Variants in LMO7 observed in about 807,000 individuals in gnomAD.
The protein encoded by LMO7 is LIM domain only protein 7.
LMO7 carries 120 observed loss-of-function variants against 206.5 expected under a neutral mutation model. The ratio of observed to expected loss-of-function variants is 0.58; its 90% CI spans 0.50 to 0.68. The LOEUF (loss-of-function observed/expected upper bound fraction) is 0.68. LMO7 is among the 30% of genes least tolerant of loss of function. The pLI is 0.00. For missense variants in LMO7, 1,959 were observed against 1,957.9 expected (o/e 1.00, Z -0.01); for synonymous variants, 706 against 681.5 (o/e 1.04, Z -0.56).
chr13:75,755,887 T>A (rs534521149), intron 3 of LMO7, among the ~76,000 whole-genome samples: 4 of 152,132 alleles, frequency 2.6e-5, no homozygotes, highest in African/African-American at 7.2e-5. Flanking sequence ...ATGCCTCGAT[T>A]CTTCTTGTGG....
chr13:75,663,440 T>TTC (rs1278909497), intron 1 of LMO7, among the ~76,000 whole-genome samples: 1,911 of 56,402 alleles, frequency 0.034, 31 homozygotes, highest in Non-Finnish European at 0.05. Flanking sequence ...TTCTTTTTTT[T>TTC]TTTTTTTTGA....
rs554074687 is a variant in LMO7 at position 75,789,840 on chromosome 13, A to G, written c.318-5561A>G. 1.2e-4 allele frequency among the ~76,000 whole-genome samples: 18 copies of G among 152,266 alleles called. 1 individual carries two copies. Among genetic ancestry groups the G allele is most frequent in the East Asian group, 9.6e-4 (5 of 5,182 alleles). On this transcript the variant is annotated intron_variant, in intron 4 of 30. Coordinates refer to ENST00000377534, the MANE Select transcript of LMO7 (RefSeq NM_001306080.2). ...GGCTGGTGCACTGCGGTAAAACTAT[A>G]ATCTCATCCATTAGCACCTTATTCC...
chr13:75,722,755 G>C (rs1363022055), intron 2 of LMO7, among the ~76,000 whole-genome samples: 2 of 152,144 alleles, frequency 1.3e-5, no homozygotes, highest in African/African-American at 2.4e-5. Context: ...CAAGAATATG[G>C]AACCAGCCCA....
At chr13:75,816,876 G>A (rs1214462141) in intron 11 of LMO7, 1 of 231,092 alleles carries the variant, frequency 4.3e-6, no homozygotes, top group Non-Finnish European at 8.3e-6. Flanking sequence ...TGAACCTTGG[G>A]TTTTTGTTTG....
intron 10 of LMO7, among the ~76,000 whole-genome samples, 167 bp downstream of exon 10, chr13:75,808,366 CAA>C (rs1452858982): frequency 6.6e-6 from 1 of 152,174 alleles, no homozygotes; most frequent in Non-Finnish European, 1.5e-5. Flanking sequence ...TCGTTTTGTA[CAA>C]AAAGTGCAAT....
chr13:75,779,529 ATAT>A (rs1174949048), intron 4 of LMO7, among the ~76,000 whole-genome samples: 4 of 152,320 alleles, frequency 2.6e-5, no homozygotes, highest in Admixed American at 2.0e-4. Flanking sequence ...AAAGCTAGTT[ATAT>A]TATTCATTTG....
At chr13:75,661,346 G>T (rs139376703) in intron 1 of LMO7, among the ~76,000 whole-genome samples, 9 of 152,290 alleles carry the variant, frequency 5.9e-5, no homozygotes, top group African/African-American at 2.2e-4. Context: ...AGAAAGCCAA[G>T]AATAAAATTC....
chr13:75,826,841 T>C (rs1443386978), intron 15 of LMO7, among the ~76,000 whole-genome samples: 2 of 152,202 alleles, frequency 1.3e-5, no homozygotes, highest in Non-Finnish European at 2.9e-5. Context: ...TATGCTATCA[T>C]GCTATGTCCT....
intron 1 of LMO7, among the ~76,000 whole-genome samples, chr13:75,670,819 G>T (rs1203130402): frequency 6.6e-6 from 1 of 151,834 alleles, no homozygotes; most frequent in Admixed American, 6.6e-5. Flanking sequence ...AATAAACTTG[G>T]CTCACTGTAA....
chr13:75,797,288 G>C (rs556256703), intron 6 of LMO7, among the ~76,000 whole-genome samples: 1 of 152,276 alleles, frequency 6.6e-6, no homozygotes, highest in East Asian at 1.9e-4. Flanking sequence ...TTTTAATTTA[G>C]AATCTTTTGT....
intron 1 of LMO7, among the ~76,000 whole-genome samples, chr13:75,685,136 T>C (rs2040864568): frequency 6.6e-6 from 1 of 152,232 alleles, no homozygotes. Flanking sequence ...TCCCAGAATT[T>C]GTTAGATAAC....
chr13:75,822,085 T>A (rs149147166), intron 14 of LMO7, among the ~76,000 whole-genome samples: 168 of 152,312 alleles, frequency 1.1e-3, no homozygotes, highest in Non-Finnish European at 2.0e-3. Flanking sequence ...TATCTTACGT[T>A]TATATATATG....
In LMO7 at chr13:75,654,862, C is replaced by A. The variant is rs866505423; in HGVS notation, c.69+18136C>A. Among the ~76,000 whole-genome samples, 256 of 141,758 alleles carry A rather than the reference C, an allele frequency of 1.8e-3. 1 individual carries two copies. The highest frequency in any genetic ancestry group is 6.1e-3 in the African/African-American group (237 of 38,572). The allele number at this position is 141,758 out of a possible 152,430, so 93.0% of individuals were successfully genotyped here. A position where few individuals can be genotyped will look rare whatever the true frequency, so the allele number is the denominator to read the frequency against. ...TTTTTACACAATACAACTACTTTTT[C>A]TTTTCTCTTCTCTCTTTTTTTTTTT... On this transcript the variant is annotated intron_variant, in intron 1 of 30. Coordinates refer to ENST00000377534, the MANE Select transcript of LMO7 (RefSeq NM_001306080.2).
intron 1 of LMO7, among the ~76,000 whole-genome samples, chr13:75,670,415 G>A (rs991897906): frequency 1.3e-5 from 2 of 152,108 alleles, no homozygotes; most frequent in African/African-American, 2.4e-5. Context: ...GTGTAACATC[G>A]TAGAGTGTAC....
intron 1 of LMO7, among the ~76,000 whole-genome samples, chr13:75,700,067 G>A (rs547674528): frequency 3.3e-5 from 5 of 152,184 alleles, no homozygotes; most frequent in East Asian, 1.9e-4. Context: ...TGTTCTGCCC[G>A]GCCCTGCAGG....
chr13:75,841,185 C>A lies in LMO7; in HGVS notation c.3659C>A (p.Ser1220Tyr). 6.2e-7 allele frequency: 1 copy of A among 1,610,406 alleles called. No individual in the cohort carries two copies. Among genetic ancestry groups the A allele is most frequent in the Non-Finnish European group, 8.5e-7 (1 of 1,176,896 alleles). ...AAACAGGAGGCAGAGAGAGAGAATTCCAAGTACTTGGATGAGGTAGTGTTA... is the reference window on the plus strand; with the variant it reads ...AAACAGGAGGCAGAGAGAGAGAATTACAAGTACTTGGATGAGGTAGTGTTA... ...RAKQEAEREN[S>Y]KYLDEELMVL... is the part of the protein sequence containing the mutation. Residue 1220 changes from serine to tyrosine, a missense_variant, in exon 23 of 31, where the codon TCC becomes TAC. Transcript: ENST00000377534.
chr13:75,642,240 A>G (rs2036607554), intron 1 of LMO7, among the ~76,000 whole-genome samples: 1 of 152,156 alleles, frequency 6.6e-6, no homozygotes, highest in Non-Finnish European at 1.5e-5. Flanking sequence ...CAACGTACTG[A>G]TGCACTGAAA....
At chr13:75,763,861 CTGT>C in intron 4 of LMO7, among the ~76,000 whole-genome samples, 2 of 152,220 alleles carry the variant, frequency 1.3e-5, no homozygotes, top group Middle Eastern at 6.8e-3. Context: ...AAGTAAAGAG[CTGT>C]TGTTAATGAA....
chr13:75,696,786 A>G (rs2041934490), intron 1 of LMO7, among the ~76,000 whole-genome samples: 2 of 152,076 alleles, frequency 1.3e-5, no homozygotes, highest in South Asian at 4.2e-4. Flanking sequence ...AAAAAAGCCC[A>G]TGTATTCCCA....
Sources: gnomAD v4.1 joint callset for allele counts (sites outside exome capture counted in the v4.1 genomes callset) on GRCh38, gnomAD v4.1.1 for gene constraint, MANE v1.5 for transcripts, NCBI Gene and HGNC (gene_info 2026-07-23, HGNC 2026-07-21) for gene names.